The following PDGFD variants were observed in gnomAD, a reference collection of about 807,000 sequenced individuals.
PDGFD encodes the protein platelet derived growth factor D.
PDGFD carries 30 observed loss-of-function variants against 44.7 expected under a neutral mutation model. The ratio of observed to expected loss-of-function variants is 0.67; its 90% CI spans 0.50 to 0.91. The LOEUF (loss-of-function observed/expected upper bound fraction) is 0.91. Among genes scored for constraint, PDGFD ranks in the 40% least tolerant of loss-of-function variants. The pLI is 0.00. For missense variants in PDGFD, 445 were observed against 457.8 expected (o/e 0.97, Z 0.25); for synonymous variants, 173 against 168.4 (o/e 1.03, Z -0.21).
intron 6 of PDGFD, among the ~76,000 whole-genome samples, chr11:103,925,886 G>A (rs185403341): frequency 1.1e-3 from 161 of 151,540 alleles, no homozygotes; most frequent in African/African-American, 3.5e-3. Flanking sequence ...CTGCCATCAC[G>A]CCTGGCTAAT....
chr11:103,953,907 T>C (rs1398549102), intron 3 of PDGFD, among the ~76,000 whole-genome samples: 1 of 152,214 alleles, frequency 6.6e-6, no homozygotes, highest in Non-Finnish European at 1.5e-5. Context: ...ACACAAACTT[T>C]TAATGTCTTT....
At chr11:103,928,288 T>C (rs76060344) in intron 5 of PDGFD, among the ~76,000 whole-genome samples, 3,894 of 152,324 alleles carry the variant, frequency 0.026, 173 homozygotes, top group African/African-American at 0.089. Flanking sequence ...CAAGTCCTTT[T>C]GTCTGCACAG....
intron 1 of PDGFD, among the ~76,000 whole-genome samples, chr11:104,045,014 G>A (rs1036696723): frequency 6.6e-6 from 1 of 152,074 alleles, no homozygotes; most frequent in Non-Finnish European, 1.5e-5. Context: ...CTCCAGCCTC[G>A]GCGACAGAGG....
intron 6 of PDGFD, among the ~76,000 whole-genome samples, chr11:103,919,365 G>C (rs1394100066): frequency 6.6e-6 from 1 of 152,086 alleles, no homozygotes; most frequent in African/African-American, 2.4e-5. Flanking sequence ...TCTGGTTCTT[G>C]TTTATTGAGA....
At chr11:104,115,955 T>A (rs1397910148) in intron 1 of PDGFD, among the ~76,000 whole-genome samples, 1 of 152,116 alleles carries the variant, frequency 6.6e-6, no homozygotes, top group African/African-American at 2.4e-5. Context: ...GTCAGATGTA[T>A]AGATTGTGAA....
At chr11:104,095,487 C>T (rs1488009760) in intron 1 of PDGFD, among the ~76,000 whole-genome samples, 1 of 152,004 alleles carries the variant, frequency 6.6e-6, no homozygotes, top group African/African-American at 2.4e-5. Context: ...TTTCAGTCAC[C>T]AAAAGACCCT....
At chr11:104,023,844 C>A (rs1158856813) in intron 1 of PDGFD, among the ~76,000 whole-genome samples, 2 of 152,050 alleles carry the variant, frequency 1.3e-5, no homozygotes, top group African/African-American at 2.4e-5. Flanking sequence ...CCCTGTTATA[C>A]CTAAAAGTCT....
At chr11:104,055,567 T>C (rs1327586374) in intron 1 of PDGFD, among the ~76,000 whole-genome samples, 1 of 152,196 alleles carries the variant, frequency 6.6e-6, no homozygotes, top group Non-Finnish European at 1.5e-5. Context: ...AGTAATTGTT[T>C]GAAGATTAAG....
intron 1 of PDGFD, among the ~76,000 whole-genome samples, chr11:104,012,182 C>A (rs970249983): frequency 6.6e-6 from 1 of 152,142 alleles, no homozygotes; most frequent in African/African-American, 2.4e-5. Flanking sequence ...AATGAAAATT[C>A]AGATGAATTC....
intron 1 of PDGFD, among the ~76,000 whole-genome samples, chr11:104,050,706 TG>T (rs1358364012): frequency 6.6e-6 from 1 of 152,170 alleles, no homozygotes; most frequent in Non-Finnish European, 1.5e-5. Context: ...ACTGCAGGTC[TG>T]GGGTACTCAA....
At chr11:104,008,344 TCAAA>T (rs750036630) in intron 1 of PDGFD, among the ~76,000 whole-genome samples, 4 of 152,166 alleles carry the variant, frequency 2.6e-5, no homozygotes, top group African/African-American at 4.8e-5. Context: ...GGGTAAGTGG[TCAAA>T]CACTTTTGCT....
chr11:103,948,846 G>A (rs970584585), intron 3 of PDGFD, among the ~76,000 whole-genome samples: 1 of 151,990 alleles, frequency 6.6e-6, no homozygotes, highest in African/African-American at 2.4e-5. Flanking sequence ...AGAGAGAACC[G>A]AGTCAAATGC....
At chr11:104,034,028 T>A (rs1274508534) in intron 1 of PDGFD, among the ~76,000 whole-genome samples, 1 of 152,168 alleles carries the variant, frequency 6.6e-6, no homozygotes, top group East Asian at 1.9e-4. Flanking sequence ...CTAAGTCAGG[T>A]CATCTTCCTT....
intron 1 of PDGFD, among the ~76,000 whole-genome samples, chr11:104,004,872 C>CTTTTTTTTTTTTTTTTTTTTTTT (rs33979812): frequency 1.4e-5 from 1 of 71,890 alleles, no homozygotes; most frequent in Non-Finnish European, 2.4e-5. Flanking sequence ...TTATTACCAC[C>CTTTTTTTTTTTTTTTTTTTTTTT]TTTTTTTTTT....
intron 1 of PDGFD, among the ~76,000 whole-genome samples, chr11:104,008,686 G>T (rs891633034): frequency 3.3e-5 from 5 of 152,046 alleles, no homozygotes; most frequent in African/African-American, 1.2e-4. Flanking sequence ...ACTCAAAAGT[G>T]CTGTATAATT....
intron 1 of PDGFD, among the ~76,000 whole-genome samples, chr11:104,160,987 G>A (rs1442586549): frequency 6.6e-6 from 1 of 152,136 alleles, no homozygotes. Flanking sequence ...TACTGTATTA[G>A]GCTGGACAGG....
At chr11:103,957,564 A>T (rs933335981) in intron 3 of PDGFD, among the ~76,000 whole-genome samples, 2 of 152,178 alleles carry the variant, frequency 1.3e-5, no homozygotes, top group Admixed American at 6.5e-5. Flanking sequence ...ATAATGCCGC[A>T]TATCTACAAC....
intron 6 of PDGFD, among the ~76,000 whole-genome samples, chr11:103,919,815 T>A (rs1030644912): frequency 1.3e-4 from 20 of 151,598 alleles, no homozygotes; most frequent in African/African-American, 4.9e-4. Context: ...GGTCTCTTCC[T>A]AACTTCTAAA....
chr11:103,959,182 C>A (rs1858899905), intron 3 of PDGFD, among the ~76,000 whole-genome samples: 1 of 152,100 alleles, frequency 6.6e-6, no homozygotes, highest in African/African-American at 2.4e-5. Context: ...GTTGTGACAC[C>A]TTTTCCCTCT....
Sources: gnomAD v4.1 joint callset for allele counts (sites outside exome capture counted in the v4.1 genomes callset) on GRCh38, gnomAD v4.1.1 for gene constraint, MANE v1.5 for transcripts, NCBI Gene and HGNC (gene_info 2026-07-23, HGNC 2026-07-21) for gene names.